KCNQ1: variants seen among roughly 807,000 people sequenced by gnomAD.
The protein encoded by KCNQ1 is potassium voltage-gated channel subfamily KQT member 1.
KCNQ1 carries 49 observed loss-of-function variants against 72.4 expected under a neutral mutation model. The observed-to-expected ratio is 0.68, with a 90% confidence interval of 0.54 to 0.86. The LOEUF is 0.86. Ranked by LOEUF, KCNQ1 falls within the 40% of genes least tolerant of loss-of-function variation. The pLI, the probability that KCNQ1 is intolerant of heterozygous loss-of-function variation, is 0.00. For missense variants in KCNQ1, 790 were observed against 945.1 expected (o/e 0.84, Z 2.15); for synonymous variants, 450 against 412.6 (o/e 1.09, Z -1.10).
intron 2 of KCNQ1, among the ~76,000 whole-genome samples, chr11:2,534,559 T>A (rs961155995): frequency 6.6e-6 from 1 of 152,216 alleles, no homozygotes; most frequent in Non-Finnish European, 1.5e-5. Flanking sequence ...CGAAGCCCCG[T>A]CCTGCACACT....
At position 2,522,510 on chromosome 11, in the gene KCNQ1, C is replaced by A. The variant is rs371148100; in HGVS notation, c.387-5418C>A. On this transcript the variant is annotated intron_variant, in intron 1 of 15. Transcript: ENST00000155840. Reference sequence around the variant, plus strand: ...CCTGAGTGCCTCAAGGGCAGGGACCCCAGCTCGGCACCTGTGAGGTTCCCA... The same window carrying A: ...CCTGAGTGCCTCAAGGGCAGGGACCACAGCTCGGCACCTGTGAGGTTCCCA... Among the ~76,000 whole-genome samples the A allele has an allele frequency of 3.3e-5, 5 of 152,190 alleles. No homozygotes were observed. In the East Asian group the frequency reaches 5.8e-4, roughly 18 times the overall value.
At chr11:2,581,737 A>G (rs966175125) in intron 6 of KCNQ1, among the ~76,000 whole-genome samples, 1 of 152,218 alleles carries the variant, frequency 6.6e-6, no homozygotes, top group African/African-American at 2.4e-5. Flanking sequence ...GTGCACAAGC[A>G]CAGACACGTG....
intron 11 of KCNQ1, chr11:2,681,961 T>G (rs1850405479): frequency 2.5e-6 from 1 of 398,460 alleles, no homozygotes; most frequent in Admixed American, 4.4e-5. Flanking sequence ...TACTTACACT[T>G]CCTGTTTGCC....
intron 2 of KCNQ1, among the ~76,000 whole-genome samples, chr11:2,555,503 T>G (rs1369435387): frequency 6.6e-6 from 1 of 152,168 alleles, no homozygotes; most frequent in Non-Finnish European, 1.5e-5. Flanking sequence ...GCTAATGGTG[T>G]CTGCAGCCAG....
chr11:2,719,915 T>C (rs1851174364), intron 11 of KCNQ1, among the ~76,000 whole-genome samples: 4 of 152,248 alleles, frequency 2.6e-5, no homozygotes, highest in African/African-American at 7.2e-5. Flanking sequence ...AGATCAAACC[T>C]GCATCACAGA....
chr11:2,844,420 C>A (rs1848278146), intron 15 of KCNQ1, among the ~76,000 whole-genome samples: 1 of 152,220 alleles, frequency 6.6e-6, no homozygotes, highest in Non-Finnish European at 1.5e-5. Flanking sequence ...CTCAAAGCCC[C>A]AGTTGGCACA....
chr11:2,619,964 A>C lies in KCNQ1; in HGVS notation c.1393+31110A>C, dbSNP rs199837513. The C allele has an allele frequency of 2.2e-4, 17 of 78,734 alleles. No individual in the cohort carries two copies. In the Admixed American group the frequency reaches 3.0e-3, roughly 14 times the overall value. 4.9% of individuals were successfully genotyped at this position (78,734 alleles called of 1,614,324 possible). A position where few individuals can be genotyped will look rare whatever the true frequency, so the allele number is the denominator to read the frequency against. On this transcript the variant is annotated intron_variant, in intron 10 of 15. Transcript: ENST00000155840. ...GGTTTGGAGTGTGGATAAGCCTATC[A>C]CCCAGGTAGTGAGCATAGTACCCAA...
intron 1 of KCNQ1, among the ~76,000 whole-genome samples, chr11:2,466,242 C>T (rs894177078): frequency 6.6e-6 from 1 of 152,090 alleles, no homozygotes; most frequent in Non-Finnish European, 1.5e-5. Flanking sequence ...AAACTGAGGC[C>T]CAGAGTGGAG....
In KCNQ1 at chr11:2,492,650, T is replaced by C. The variant is rs1166563671; in HGVS notation, c.387-35278T>C. Among the ~76,000 whole-genome samples, 1 of 152,164 alleles carries C rather than the reference T, an allele frequency of 6.6e-6. No individual in the cohort carries two copies. ...TCCTGTGTTAGTTTGCCGAGAATGG[T>C]TTCCAGCTTCATCCCCACAAAAGAC... On this transcript the variant is annotated intron_variant, in intron 1 of 15. Transcript: ENST00000155840. The surrounding 1 kb of genome is among the most constrained non-coding windows in gnomAD (Gnocchi z 4.1).
In KCNQ1 at chr11:2,550,054, A is replaced by G. The variant is rs552770183; in HGVS notation, c.478-20574A>G. The stretch of plus-strand genomic sequence containing the variant: ...GGACGGACCCCAGAACTGGACCCCA[A>G]TGTGCAGGTCTGGGTGTGGATGTAT... On this transcript the variant is annotated intron_variant, in intron 2 of 15. Transcript: ENST00000155840. The surrounding 1 kb of genome is among the most constrained non-coding windows in gnomAD (Gnocchi z 6.0). 1.4e-4 allele frequency among the ~76,000 whole-genome samples: 21 copies of G among 152,294 alleles called. No homozygotes were observed. The South Asian group carries it at 1.9e-3, about 14-fold the overall frequency.
chr11:2,611,760 CTA>C lies in KCNQ1; in HGVS notation c.1393+22910_1393+22911del. The C allele has an allele frequency of 2.5e-6, 1 of 398,406 alleles. No individual in the cohort carries two copies. Among genetic ancestry groups the C allele is most frequent in the Non-Finnish European group, 4.4e-6 (1 of 225,984 alleles). 24.7% of individuals were successfully genotyped at this position (398,406 alleles called of 1,614,324 possible). The stretch of plus-strand genomic sequence containing the variant: ...TATCTACCATGTTGTTATTTATTTT[CTA>C]TATGTCTCATATCACTTTTGTTCCT... On this transcript the variant is annotated intron_variant, in intron 10 of 15. Transcript: ENST00000155840. This position sits in a 1 kb window ranked among gnomAD's most constrained non-coding sequence, Gnocchi z 5.3.
intron 2 of KCNQ1, among the ~76,000 whole-genome samples, chr11:2,534,105 C>T (rs1292860869): frequency 1.3e-5 from 2 of 152,120 alleles, no homozygotes; most frequent in Admixed American, 6.5e-5. Context: ...AGTTTCCCTC[C>T]CAGCTCAGAG....
chr11:2,794,339 T>C (rs773441791), intron 15 of KCNQ1, among the ~76,000 whole-genome samples: 35 of 152,156 alleles, frequency 2.3e-4, no homozygotes, highest in Non-Finnish European at 4.9e-4. Context: ...GATGCTTTGC[T>C]CGGAGGGGTG....
At chr11:2,696,082 A>G (rs4930148) in intron 11 of KCNQ1, 26,727 of 398,568 alleles carry the variant, frequency 0.067, 1,038 homozygotes, top group Middle Eastern at 0.11. Flanking sequence ...GCCATGATGG[A>G]TTTATTTAAC....
chr11:2,510,367 G>A (rs1231581115), intron 1 of KCNQ1, among the ~76,000 whole-genome samples: 1 of 152,162 alleles, frequency 6.6e-6, no homozygotes, highest in African/African-American at 2.4e-5. Flanking sequence ...GGAGGCTGAG[G>A]CAAGTGGATT....
chr11:2,602,081 G>A lies in KCNQ1; in HGVS notation c.1393+13227G>A, dbSNP rs527663086. On this transcript the variant is annotated intron_variant, in intron 10 of 15. Transcript: ENST00000155840. The surrounding 1 kb of genome is among the most constrained non-coding windows in gnomAD (Gnocchi z 4.8). ...GACTACAGAAGAGAAAAAGGGTTACGTGGCCACGGAAGCAGGGGCAGGAAA... is the reference window on the plus strand; with the variant it reads ...GACTACAGAAGAGAAAAAGGGTTACATGGCCACGGAAGCAGGGGCAGGAAA... 6.6e-5 allele frequency among the ~76,000 whole-genome samples: 10 copies of A among 152,290 alleles called. No individual in the cohort carries two copies. The highest frequency in any genetic ancestry group is 2.6e-4 in the Admixed American group (4 of 15,296).
chr11:2,601,350 TA>T lies in KCNQ1; in HGVS notation c.1393+12503del, dbSNP rs1192452861. Among the ~76,000 whole-genome samples, 1 of 152,194 alleles carries T rather than the reference TA, an allele frequency of 6.6e-6. No individual in the cohort carries two copies. Among genetic ancestry groups the T allele is most frequent in the Non-Finnish European group, 1.5e-5 (1 of 68,028 alleles). ...TATTTATTCAGATCTTTTGCCCGTT[TA>T]AAAAAATGAGACTTTCAAGCTTTTT... On this transcript the variant is annotated intron_variant, in intron 10 of 15. Coordinates refer to ENST00000155840, the MANE Select transcript of KCNQ1 (RefSeq NM_000218.3). The surrounding 1 kb of genome is among the most constrained non-coding windows in gnomAD (Gnocchi z 5.2).
chr11:2,528,081 G>T, intron 2 of KCNQ1, 63 bp downstream of exon 2: 1 of 1,395,318 alleles, frequency 7.2e-7, no homozygotes, highest in South Asian at 1.2e-5. Flanking sequence ...CATCTCCCTG[G>T]CGCTGGGCCC....
chr11:2,833,163 T>A (rs1301243067), intron 15 of KCNQ1, among the ~76,000 whole-genome samples: 1 of 152,144 alleles, frequency 6.6e-6, no homozygotes, highest in Non-Finnish European at 1.5e-5. Context: ...TGTGTGCCTC[T>A]GGAGTCGAGG....
Sources: allele counts gnomAD v4.1 joint callset (sites outside exome capture counted in the v4.1 genomes callset), GRCh38; gene constraint gnomAD v4.1.1; non-coding constraint Gnocchi (gnomAD v3.1); transcripts MANE v1.5; gene names NCBI Gene and HGNC (gene_info 2026-07-23, HGNC 2026-07-21).